The following BCL7A variants were observed in gnomAD, a reference collection of about 807,000 sequenced individuals.
The protein encoded by BCL7A is BAF chromatin remodeling complex subunit BCL7A.
In BCL7A, 11 loss-of-function variants were observed where a neutral mutation model predicts 28.4. The observed-to-expected ratio is 0.39, with a 90% CI of 0.24 to 0.64. The LOEUF (loss-of-function observed/expected upper bound fraction) is 0.64. Ranked by LOEUF, BCL7A falls within the 30% of genes least tolerant of loss-of-function variation. The probability of loss-of-function intolerance (pLI) is 0.50; values close to 1 mark genes in which losing one functional copy is unlikely to be tolerated. For synonymous variants in BCL7A, 123 were observed against 103.3 expected (o/e 1.19, Z -1.15); for missense variants, 222 against 274.8 (o/e 0.81, Z 1.36).
At chr12:122,036,613 CAG>C (rs1182106940) in intron 3 of BCL7A, among the ~76,000 whole-genome samples, 1 of 151,556 alleles carries the variant, frequency 6.6e-6, no homozygotes, top group East Asian at 1.9e-4. Flanking sequence ...GGTCAAAACA[CAG>C]AACGTTCCGA....
rs1374220050 is a variant in BCL7A, at chr12:122,021,916, TTGTGTGTGTGTGTATG to T, written c.-162_-147del. On this transcript the variant is annotated 5_prime_UTR_variant, in exon 1 of 6. The change abolishes an upstream ATG in the 5' untranslated region. Coordinates refer to ENST00000261822, the MANE Select transcript of BCL7A (RefSeq NM_001024808.3). ...GCCAGGCGCGCGGCGGCCCCGGGCT[TTGTGTGTGTGTGTATG>T]TGTGTGTGTGTGTGTGTGTGTGTGT... 5 of 353,824 alleles carry T rather than the reference TTGTGTGTGTGTGTATG, an allele frequency of 1.4e-5. No individual in the cohort carries two copies. Among genetic ancestry groups the T allele is most frequent in the Admixed American group, 5.0e-5 (1 of 20,086 alleles). 21.9% of individuals were successfully genotyped at this position (353,824 alleles called of 1,614,324 possible).
chr12:122,032,851 A>G (rs541776862), intron 2 of BCL7A, among the ~76,000 whole-genome samples: 150 of 151,354 alleles, frequency 9.9e-4, no homozygotes, highest in African/African-American at 3.5e-3. Context: ...CCACTCCCCC[A>G]CCCCCTTTCC....
chr12:122,041,981 G>A (rs957015410), intron 3 of BCL7A, among the ~76,000 whole-genome samples: 1 of 152,160 alleles, frequency 6.6e-6, no homozygotes, highest in African/African-American at 2.4e-5. Context: ...GGAGGCTGAG[G>A]CATGAGAATC....
At chr12:122,037,703 T>G (rs1287343943) in intron 3 of BCL7A, among the ~76,000 whole-genome samples, 1 of 151,848 alleles carries the variant, frequency 6.6e-6, no homozygotes, top group Non-Finnish European at 1.5e-5. Context: ...TCCCAGCACT[T>G]TGGGAGGCTG....
Position 122,030,924 on chromosome 12 carries a change from C to T in BCL7A, c.174+143C>T, listed in dbSNP as rs924985028. 11 of 782,502 alleles carry T rather than the reference C, an allele frequency of 1.4e-5. No homozygotes were observed. In the African/African-American group the frequency reaches 1.6e-4, roughly 11 times the overall value. 48.5% of individuals were successfully genotyped at this position (782,502 alleles called of 1,614,324 possible). A position where few individuals can be genotyped will look rare whatever the true frequency, so the allele number is the denominator to read the frequency against. The stretch of plus-strand genomic sequence containing the variant: ...GGGAGTAGAAGGACCCAGATTAGAC[C>T]TGGGGAGGCTGCTGTACCAGTCCCC... On this transcript the variant is annotated intron_variant, in intron 2 of 5. Coordinates refer to ENST00000261822, the MANE Select transcript of BCL7A (RefSeq NM_001024808.3).
At chr12:122,046,279 G>C (rs972974031) in intron 4 of BCL7A, among the ~76,000 whole-genome samples, 1 of 151,686 alleles carries the variant, frequency 6.6e-6, no homozygotes, top group Non-Finnish European at 1.5e-5. Context: ...TCTGGGGAGG[G>C]CAGGCCAGGT....
At chr12:122,048,397 ATTGGAGGGGCCTCCAGGAATGCTTC>A (rs1884120266) in intron 4 of BCL7A, among the ~76,000 whole-genome samples, 1 of 151,870 alleles carries the variant, frequency 6.6e-6, no homozygotes, top group South Asian at 2.1e-4. Flanking sequence ...TTAAAAAGGG[ATTGGAGGGGCCTCCAGGAATGCTTC>A]TTGGAGGAGT....
intron 2 of BCL7A, among the ~76,000 whole-genome samples, chr12:122,034,192 TATATATA>T: frequency 0.014 from 1 of 72 alleles, no homozygotes; most frequent in Non-Finnish European, 0.033. Context: ...GCATCTTTCA[TATATATA>T]TATATATATA....
At chr12:122,046,204 A>T (rs756890758) in intron 4 of BCL7A, among the ~76,000 whole-genome samples, 2 of 152,084 alleles carry the variant, frequency 1.3e-5, no homozygotes, top group Admixed American at 1.3e-4. Context: ...TGGGCAGTAC[A>T]TAGGGGTGAG....
rs776109345 is a variant in BCL7A, at chr12:122,047,899, C to CTT, written c.439+3866_439+3867dup. ...TGGAAAAGAAAAAGGCTGGAGAAGGCTTTTTTTTTTTTTTTTTTTTTGAGA... is the reference window on the plus strand; with the variant it reads ...TGGAAAAGAAAAAGGCTGGAGAAGGCTTTTTTTTTTTTTTTTTTTTTTTGAGA... On this transcript the variant is annotated intron_variant, in intron 4 of 5. Coordinates refer to ENST00000261822, the MANE Select transcript of BCL7A (RefSeq NM_001024808.3). 3.9e-3 allele frequency among the ~76,000 whole-genome samples: 395 copies of CTT among 100,968 alleles called. 4 individuals are homozygous for CTT. The highest frequency in any genetic ancestry group is 0.018 in the East Asian group (59 of 3,362). 66.2% of individuals were successfully genotyped at this position (100,968 alleles called of 152,430 possible).
intron 4 of BCL7A, among the ~76,000 whole-genome samples, chr12:122,049,987 T>C (rs534118463): frequency 4.6e-5 from 7 of 152,058 alleles, no homozygotes; most frequent in African/African-American, 1.7e-4. Flanking sequence ...TTCTTTTTGT[T>C]TTTCTGAGAC....
chr12:122,034,175 G>A (rs1441457674), intron 2 of BCL7A, among the ~76,000 whole-genome samples: 5 of 112,328 alleles, frequency 4.5e-5, no homozygotes, highest in Non-Finnish European at 7.2e-5. Flanking sequence ...TGAGGCTCAC[G>A]TATCCTGCAT....
intron 4 of BCL7A, among the ~76,000 whole-genome samples, chr12:122,045,772 G>A (rs1406803817): frequency 6.6e-6 from 1 of 151,992 alleles, no homozygotes; most frequent in Admixed American, 6.6e-5. Flanking sequence ...CCCTAAACAT[G>A]TCAGCACGTG....
chr12:122,037,722 G>A (rs1341937170), intron 3 of BCL7A, among the ~76,000 whole-genome samples: 1 of 152,090 alleles, frequency 6.6e-6, no homozygotes, highest in East Asian at 1.9e-4. Context: ...TGAGGTGGGC[G>A]GATCACCTGA....
At chr12:122,041,197 C>T (rs1307178218) in intron 3 of BCL7A, among the ~76,000 whole-genome samples, 1 of 152,068 alleles carries the variant, frequency 6.6e-6, no homozygotes, top group East Asian at 1.9e-4. Context: ...GCAGATGGGT[C>T]CGGCAAGTGG....
chr12:122,034,424 G>A (rs1449745265), intron 2 of BCL7A, among the ~76,000 whole-genome samples: 1 of 64,320 alleles, frequency 1.6e-5, no homozygotes, highest in Non-Finnish European at 3.7e-5. Context: ...GATTCCTTTC[G>A]TAAAAAAAAA....
intron 1 of BCL7A, among the ~76,000 whole-genome samples, chr12:122,025,242 A>G (rs538838713): frequency 6.6e-6 from 1 of 152,218 alleles, no homozygotes; most frequent in Non-Finnish European, 1.5e-5. Context: ...TCACGCCTGT[A>G]ATCCCAGAGC....
intron 1 of BCL7A, among the ~76,000 whole-genome samples, chr12:122,027,464 C>T (rs1883652185): frequency 6.6e-6 from 1 of 152,152 alleles, no homozygotes. Context: ...CACTTGAGCC[C>T]AGGAGGTCGA....
rs1209204153 is a variant in BCL7A, at chr12:122,029,730, C to A, written c.93-970C>A. Among the ~76,000 whole-genome samples the A allele has an allele frequency of 2.6e-5, 4 of 152,182 alleles. No homozygotes were observed. The highest frequency in any genetic ancestry group is 5.9e-5 in the Non-Finnish European group (4 of 68,034). Reference sequence around the variant, plus strand: ...AGCCTCGGTTCCAACCCCAGCCCTGCTTCTGGGAGGCTCTCCTGAGCCTCA... The same window carrying A: ...AGCCTCGGTTCCAACCCCAGCCCTGATTCTGGGAGGCTCTCCTGAGCCTCA... On this transcript the variant is annotated intron_variant, in intron 1 of 5. Transcript: ENST00000261822. This position sits in a 1 kb window ranked among gnomAD's most constrained non-coding sequence, Gnocchi z 4.3.
Sources: gnomAD v4.1 joint callset for allele counts (sites outside exome capture counted in the v4.1 genomes callset) on GRCh38, gnomAD v4.1.1 for gene constraint, Gnocchi (gnomAD v3.1) non-coding constraint, MANE v1.5 for transcripts, NCBI Gene and HGNC (gene_info 2026-07-23, HGNC 2026-07-21) for gene names.